The following KMT5B variants were observed in gnomAD, a reference collection of about 807,000 sequenced individuals.
The protein encoded by KMT5B is lysine methyltransferase 5B, also known as histone-lysine N-methyltransferase KMT5B.
Under a neutral mutation model 83.2 loss-of-function variants are expected in KMT5B, and 10 were observed. The ratio of observed to expected loss-of-function variants is 0.12; its 90% CI spans 0.07 to 0.20. The LOEUF is 0.20. KMT5B is among the 10% of genes least tolerant of loss of function. The pLI is 1.00. For missense variants in KMT5B, 753 were observed against 1,067.2 expected, an observed-to-expected ratio of 0.71 and a Z score of 4.10; for synonymous variants, 349 against 388.8, an observed-to-expected ratio of 0.90 and a Z score of 1.20.
At chr11:68,212,957 C>T (rs954766718) in intron 1 of KMT5B, among the ~76,000 whole-genome samples, 181 bp downstream of exon 1, 1 of 144,548 alleles carries the variant, frequency 6.9e-6, no homozygotes, top group Non-Finnish European at 1.5e-5. Context: ...GGCCCCGCAC[C>T]GGCCCGGCCG....
intron 1 of KMT5B, among the ~76,000 whole-genome samples, chr11:68,212,022 T>C (rs1023711138): frequency 2.0e-5 from 3 of 152,236 alleles, no homozygotes; most frequent in Non-Finnish European, 4.4e-5. Flanking sequence ...TATTTCAACA[T>C]GCACACATTA....
At chr11:68,164,715 A>AT (rs1015458487) in intron 10 of KMT5B, 7 of 508,184 alleles carry the variant, frequency 1.4e-5, no homozygotes, top group African/African-American at 1.4e-4. Context: ...AAGCACCCCA[A>AT]TATCAGCAGT....
In KMT5B at chr11:68,175,162, C is replaced by A. The variant is rs1856231393; in HGVS notation, c.399G>T (p.Arg133Ser). Residue 133 changes from arginine to serine, a missense_variant, in exon 5 of 11, where the codon AGG becomes AGT. Coordinates refer to ENST00000304363, the MANE Select transcript of KMT5B (RefSeq NM_017635.5). ...NPVRFRPIKGRQEELKEVIER... is the reference protein window; with the variant it reads ...NPVRFRPIKGSQEELKEVIER... Reference sequence around the variant, plus strand: ...CAATTACTTCCTTTAGTTCTTCCTGCCTTCCTTTAATAGGCCTAAATCTGA... The same window carrying A: ...CAATTACTTCCTTTAGTTCTTCCTGACTTCCTTTAATAGGCCTAAATCTGA... 2 of 1,613,302 alleles carry A rather than the reference C, an allele frequency of 1.2e-6. No homozygotes were observed. The highest frequency in any genetic ancestry group is 2.7e-5 in the African/African-American group (2 of 74,994).
At chr11:68,211,653 G>A (rs1222215188) in intron 1 of KMT5B, among the ~76,000 whole-genome samples, 2 of 152,196 alleles carry the variant, frequency 1.3e-5, no homozygotes, top group African/African-American at 2.4e-5. Context: ...CACCCCAACG[G>A]CTGTGTGTGT....
At chr11:68,206,375 G>A (rs1465496705) in intron 1 of KMT5B, among the ~76,000 whole-genome samples, 7 of 152,202 alleles carry the variant, frequency 4.6e-5, no homozygotes, top group Admixed American at 2.6e-4. Flanking sequence ...GAAGTTACAA[G>A]AAGTACATCA....
chr11:68,156,267 C>T lies in KMT5B; in HGVS notation c.*1421G>A, dbSNP rs887245776. The T allele has an allele frequency of 6.6e-6, 1 of 152,526 alleles. No homozygotes were observed. Among genetic ancestry groups the T allele is most frequent in the African/African-American group, 2.4e-5 (1 of 41,438 alleles). The allele number at this position is 152,526 out of a possible 1,614,324, so 9.4% of individuals were successfully genotyped here. A position where few individuals can be genotyped will look rare whatever the true frequency, so the allele number is the denominator to read the frequency against. ...AATAAAGAGACCTACTGGTGTCAAA[C>T]ACCTGTTACAGATTTATATTCCCAA... On this transcript the variant is annotated 3_prime_UTR_variant, in exon 11 of 11. Coordinates refer to ENST00000304363, the MANE Select transcript of KMT5B (RefSeq NM_017635.5).
chr11:68,157,547 G>T lies in KMT5B; in HGVS notation c.*141C>A. 8.0e-7 allele frequency: 1 copy of T among 1,248,292 alleles called. No individual in the cohort carries two copies. Among genetic ancestry groups the T allele is most frequent in the Non-Finnish European group, 1.0e-6 (1 of 955,162 alleles). The allele number at this position is 1,248,292 out of a possible 1,614,324, so 77.3% of individuals were successfully genotyped here. A position where few individuals can be genotyped will look rare whatever the true frequency, so the allele number is the denominator to read the frequency against. ...TCAGACTTAAGAATTGAGTCAGTAT[G>T]CTGTACACTTTCTACAATAGTATGC... On this transcript the variant is annotated 3_prime_UTR_variant, in exon 11 of 11. Transcript: ENST00000304363.
chr11:68,190,264 A>G (rs1466011887), intron 1 of KMT5B, 112 bp from the exon 2 acceptor site: 1 of 587,522 alleles, frequency 1.7e-6, no homozygotes, highest in African/African-American at 1.9e-5. Flanking sequence ...ACAGTCATTC[A>G]CAGTATAATG....
intron 1 of KMT5B, among the ~76,000 whole-genome samples, chr11:68,191,553 C>T (rs867728127): frequency 1.3e-5 from 2 of 152,106 alleles, no homozygotes; most frequent in African/African-American, 2.4e-5. Flanking sequence ...AGGCTGGTCT[C>T]GAACTCCCAA....
chr11:68,158,581 C>T lies in KMT5B; in HGVS notation c.1765G>A (p.Glu589Lys). The change falls in exon 11 of 11, where the codon GAA becomes AAA. Residue 589 changes from glutamate (E) to lysine (K), a missense_variant. Glu to Lys is a moderately conservative substitution (Grantham distance 56, BLOSUM62 1). Coordinates refer to ENST00000304363, the MANE Select transcript of KMT5B (RefSeq NM_017635.5). ...TTTTGTGCAGTCTCATGAGCCAGTT[C>T]TTCCTCCTGCAGCACAGGAGCTGGC... is the stretch of plus-strand genomic sequence containing the variant. ...LQPAPVLQEE[E>K]LAHETAQKGE... The T allele has an allele frequency of 6.2e-7, 1 of 1,614,218 alleles. No individual in the cohort carries two copies. The highest frequency in any genetic ancestry group is 8.5e-7 in the Non-Finnish European group (1 of 1,180,040).
intron 10 of KMT5B, among the ~76,000 whole-genome samples, chr11:68,161,267 GC>G (rs971791871): frequency 1.3e-5 from 2 of 152,088 alleles, no homozygotes; most frequent in African/African-American, 4.8e-5. Flanking sequence ...GTTTCTTTAT[GC>G]TTGCCTACAA....
chr11:68,196,743 C>T (rs1858761516), intron 1 of KMT5B, among the ~76,000 whole-genome samples: 1 of 151,836 alleles, frequency 6.6e-6, no homozygotes, highest in South Asian at 2.1e-4. Flanking sequence ...ACTCCCTAGT[C>T]CTTGACCCTC....
intron 10 of KMT5B, among the ~76,000 whole-genome samples, chr11:68,165,329 C>A (rs557114248): frequency 2.6e-5 from 4 of 152,232 alleles, no homozygotes; most frequent in Non-Finnish European, 4.4e-5. Context: ...CATGGTGAAA[C>A]CCCGTCTCTA....
rs895252593 is a variant in KMT5B, at chr11:68,157,338, C to G, written c.*350G>C. 1 of 176,710 alleles carries G rather than the reference C, an allele frequency of 5.7e-6. No individual in the cohort carries two copies. Among genetic ancestry groups the G allele is most frequent in the Non-Finnish European group, 1.2e-5 (1 of 84,920 alleles). The allele number at this position is 176,710 out of a possible 1,614,324, so 10.9% of individuals were successfully genotyped here. A position where few individuals can be genotyped will look rare whatever the true frequency, so the allele number is the denominator to read the frequency against. ...TATTGTTTAGTCATATATTAAAGAG[C>G]CAGCTGATGCTCTTACAGTTAAAAA... On this transcript the variant is annotated 3_prime_UTR_variant, in exon 11 of 11. Transcript: ENST00000304363.
In KMT5B at chr11:68,158,155, T is replaced by G; in HGVS notation, c.2191A>C (p.Asn731His). 6.2e-7 allele frequency: 1 copy of G among 1,614,214 alleles called. No homozygotes were observed. Among genetic ancestry groups the G allele is most frequent in the Non-Finnish European group, 8.5e-7 (1 of 1,180,040 alleles). The change falls in exon 11 of 11, where the codon AAT (asparagine) becomes CAT (histidine). Residue 731 changes from asparagine (N) to histidine (H), a missense_variant. Asn to His is a moderately conservative substitution (Grantham distance 68). This residue lies in a region of KMT5B where 161 missense variants were observed against 195.1 expected (regional missense o/e 0.83). Coordinates refer to ENST00000304363, the MANE Select transcript of KMT5B (RefSeq NM_017635.5). ...TTCATTCCATCATTCTCTTGGTCAT[T>G]TGTTTTGCTGCTGCTATCATGACGC... is the stretch of plus-strand genomic sequence containing the variant. ...RRRHDSSSKT[N>H]DQENDGMNSS...
At chr11:68,205,088 G>C (rs1859922216) in intron 1 of KMT5B, among the ~76,000 whole-genome samples, 2 of 151,952 alleles carry the variant, frequency 1.3e-5, no homozygotes, top group South Asian at 4.2e-4. Context: ...TTTTAAAACA[G>C]TGTATTTAAA....
intron 1 of KMT5B, among the ~76,000 whole-genome samples, chr11:68,211,552 T>C (rs1860897193): frequency 6.6e-6 from 1 of 152,236 alleles, no homozygotes; most frequent in African/African-American, 2.4e-5. Context: ...GATTAATAAA[T>C]TAACCCATTC....
chr11:68,206,049 G>A (rs146433753), intron 1 of KMT5B, among the ~76,000 whole-genome samples: 66 of 152,224 alleles, frequency 4.3e-4, no homozygotes, highest in Non-Finnish European at 6.8e-4. Context: ...ACGTATTTAC[G>A]ACGAGGGATG....
intron 1 of KMT5B, among the ~76,000 whole-genome samples, chr11:68,208,429 G>A (rs2153091128): frequency 6.6e-6 from 1 of 151,918 alleles, no homozygotes; most frequent in Middle Eastern, 3.4e-3. Context: ...CTCCAGCCTG[G>A]GCAACAGAGT....
Sources: gnomAD v4.1 joint callset for allele counts (sites outside exome capture counted in the v4.1 genomes callset) on GRCh38, gnomAD v4.1.1 for gene constraint, gnomAD v4.1.1 regional missense constraint, MANE v1.5 for transcripts, NCBI Gene and HGNC (gene_info 2026-07-23, HGNC 2026-07-21) for gene names.